Variants in ADK observed in about 807,000 individuals in gnomAD.
ADK encodes the protein N6,N6-dimethyladenosine kinase.
In ADK, 24 loss-of-function variants were observed where a neutral mutation model predicts 44.7. The ratio of observed to expected loss-of-function variants is 0.54; its 90% CI spans 0.39 to 0.76. ADK has a LOEUF of 0.76. Ranked by LOEUF, ADK falls within the 30% of genes least tolerant of loss-of-function variation. The probability of loss-of-function intolerance (pLI) is 0.00; values close to 1 mark genes in which losing one functional copy is unlikely to be tolerated. For missense variants in ADK, 321 were observed against 425.1 expected (o/e 0.76, Z 2.15); for synonymous variants, 128 against 142.6 (o/e 0.90, Z 0.73).
intron 4 of ADK, among the ~76,000 whole-genome samples, chr10:74,323,051 A>G (rs1296768893): frequency 6.6e-6 from 1 of 152,334 alleles, no homozygotes; most frequent in East Asian, 1.9e-4. Flanking sequence ...GTTTCTGGGT[A>G]TGACATTAAA....
intron 7 of ADK, among the ~76,000 whole-genome samples, chr10:74,575,799 TAAC>T (rs1851164065): frequency 6.6e-6 from 1 of 152,130 alleles, no homozygotes; most frequent in South Asian, 2.1e-4. Flanking sequence ...AGGATGAATC[TAAC>T]AGTTGTGTGC....
At chr10:74,344,602 C>T (rs1841699009) in intron 4 of ADK, 1 of 252,210 alleles carries the variant, frequency 4.0e-6, no homozygotes, top group Non-Finnish European at 8.4e-6. Flanking sequence ...CTGAATATTA[C>T]ATTCCTGAAG....
At chr10:74,155,123 C>T (rs1841711561) in intron 1 of ADK, among the ~76,000 whole-genome samples, 2 of 152,182 alleles carry the variant, frequency 1.3e-5, no homozygotes, top group South Asian at 4.1e-4. Flanking sequence ...CTAACTGTTT[C>T]ACTTCCATGG....
chr10:74,411,742 A>G (rs1009614270), intron 6 of ADK, among the ~76,000 whole-genome samples: 4 of 152,338 alleles, frequency 2.6e-5, no homozygotes, highest in Middle Eastern at 3.4e-3. Context: ...CTCTTCTTTC[A>G]TAAAAGATTT....
chr10:74,629,788 A>G (rs1421077570), intron 9 of ADK, among the ~76,000 whole-genome samples: 1 of 152,206 alleles, frequency 6.6e-6, no homozygotes, highest in African/African-American at 2.4e-5. Flanking sequence ...TGGTTTGTGA[A>G]ATACAAATGA....
chr10:74,681,952 G>C (rs1855623622), intron 10 of ADK, among the ~76,000 whole-genome samples: 1 of 151,718 alleles, frequency 6.6e-6, no homozygotes, highest in Non-Finnish European at 1.5e-5. Flanking sequence ...CAGAAGGAGG[G>C]GTTTTTTGTT....
intron 4 of ADK, chr10:74,372,324 G>T (rs1308633631): frequency 2.7e-6 from 2 of 753,788 alleles, no homozygotes; most frequent in Admixed American, 3.4e-5. Flanking sequence ...CCCTACTGAA[G>T]ACTGGAGTGC....
At chr10:74,519,702 A>G (rs1007338721) in intron 6 of ADK, among the ~76,000 whole-genome samples, 2 of 151,918 alleles carry the variant, frequency 1.3e-5, no homozygotes, top group Non-Finnish European at 1.5e-5. Flanking sequence ...ATTTCTCTAC[A>G]TATTTATTTA....
At chr10:74,657,594 C>T (rs1016155765) in intron 9 of ADK, among the ~76,000 whole-genome samples, 1 of 152,134 alleles carries the variant, frequency 6.6e-6, no homozygotes, top group Non-Finnish European at 1.5e-5. Context: ...TGAGTTCATA[C>T]TGTACTAGAT....
intron 3 of ADK, among the ~76,000 whole-genome samples, chr10:74,275,170 A>C (rs1194404890): frequency 6.6e-6 from 1 of 152,132 alleles, no homozygotes; most frequent in Non-Finnish European, 1.5e-5. Context: ...CATGACTTCC[A>C]GCTTCTTCTC....
chr10:74,165,917 T>C (rs987390124), intron 1 of ADK, among the ~76,000 whole-genome samples: 2 of 152,188 alleles, frequency 1.3e-5, no homozygotes, highest in African/African-American at 4.8e-5. Flanking sequence ...GATTAACTCA[T>C]TGAACTGGAA....
intron 7 of ADK, among the ~76,000 whole-genome samples, chr10:74,572,099 C>T (rs1037226220): frequency 7.8e-4 from 118 of 152,216 alleles, no homozygotes; most frequent in African/African-American, 2.8e-3. Flanking sequence ...TTCCTAGCCT[C>T]GATGGTCTTT....
chr10:74,177,501 A>G lies in ADK; in HGVS notation c.66-23263A>G, dbSNP rs527827374. Among the ~76,000 whole-genome samples, 6 of 152,220 alleles carry G rather than the reference A, an allele frequency of 3.9e-5. No individual in the cohort carries two copies. The South Asian group carries it at 1.0e-3, about 26-fold the overall frequency. On this transcript the variant is annotated intron_variant, in intron 1 of 10. Coordinates refer to ENST00000539909, the MANE Select transcript of ADK (RefSeq NM_006721.4). ...TGTAGCGAAATCCATGAAACTGGAG[A>G]CTTTCCCCCAATTGCTCTTCCAGTT...
chr10:74,607,613 T>C (rs1445429734), intron 9 of ADK, among the ~76,000 whole-genome samples: 1 of 152,238 alleles, frequency 6.6e-6, no homozygotes, highest in Non-Finnish European at 1.5e-5. Flanking sequence ...GTTAGTCTGA[T>C]GGGCTTCCCT....
At chr10:74,334,836 A>G (rs1043082094) in intron 4 of ADK, among the ~76,000 whole-genome samples, 17 of 152,260 alleles carry the variant, frequency 1.1e-4, no homozygotes, top group African/African-American at 3.6e-4. Flanking sequence ...ATTGCAGTCA[A>G]GGACCCAGCC....
At chr10:74,474,280 T>G (rs1294048827) in intron 6 of ADK, among the ~76,000 whole-genome samples, 2 of 152,132 alleles carry the variant, frequency 1.3e-5, no homozygotes, top group African/African-American at 4.8e-5. Flanking sequence ...ACTAATTCTT[T>G]TTTTAAGAGG....
chr10:74,278,366 TAAAAAAAAAAA>T, intron 3 of ADK, among the ~76,000 whole-genome samples: 1 of 113,896 alleles, frequency 8.8e-6, no homozygotes, highest in African/African-American at 3.2e-5. Flanking sequence ...AAAAAAAAAT[TAAAAAAAAAAA>T]AAAAAAAAAC....
At chr10:74,184,778 A>T (rs1018168407) in intron 1 of ADK, among the ~76,000 whole-genome samples, 1 of 152,204 alleles carries the variant, frequency 6.6e-6, no homozygotes, top group Non-Finnish European at 1.5e-5. Flanking sequence ...GGTCACCTAC[A>T]TATGCATTAC....
At chr10:74,630,754 C>T (rs1268364952) in intron 9 of ADK, among the ~76,000 whole-genome samples, 3 of 152,072 alleles carry the variant, frequency 2.0e-5, no homozygotes, top group Non-Finnish European at 4.4e-5. Flanking sequence ...CTTCAAGATA[C>T]GTCTTCCATA....
Sources: gnomAD v4.1 joint callset for allele counts (sites outside exome capture counted in the v4.1 genomes callset) on GRCh38, gnomAD v4.1.1 for gene constraint, MANE v1.5 for transcripts, NCBI Gene and HGNC (gene_info 2026-07-23, HGNC 2026-07-21) for gene names.